The following PMM1 variants were observed in gnomAD, a reference collection of about 807,000 sequenced individuals.
PMM1 encodes the protein phosphomannomutase 1.
In PMM1, 25 loss-of-function variants were observed where a neutral mutation model predicts 34.0. That is an observed-to-expected ratio of 0.73 (90% CI 0.54 to 1.03). PMM1 has a LOEUF of 1.03. Ranked by LOEUF, PMM1 falls within the 50% of genes least tolerant of loss-of-function variation. PMM1 has a pLI of 0.00. For synonymous variants in PMM1, 134 were observed against 143.9 expected (o/e 0.93, Z 0.49); for missense variants, 321 against 350.1 (o/e 0.92, Z 0.66).
chr22:41,587,365 G>A (rs1012307071), intron 1 of PMM1, among the ~76,000 whole-genome samples: 2 of 151,696 alleles, frequency 1.3e-5, no homozygotes, highest in South Asian at 4.2e-4. Context: ...CCTTGAACCC[G>A]GGAGGTGGAG....
At chr22:41,580,574 C>T (rs1000098396) in intron 5 of PMM1, 3 of 152,190 alleles carry the variant, frequency 2.0e-5, no homozygotes, top group South Asian at 2.1e-4. Context: ...GGTTACAAGG[C>T]AAATGGGTAG....
At chr22:41,582,922 G>A (rs2067262547) in intron 5 of PMM1, among the ~76,000 whole-genome samples, 2 of 152,138 alleles carry the variant, frequency 1.3e-5, no homozygotes, top group African/African-American at 4.8e-5. Context: ...GAGGGAGGCG[G>A]TGGGGAGAAA....
At position 41,584,264 on chromosome 22, in the gene PMM1, G is replaced by C. The variant is rs1399690692; in HGVS notation, c.374+17C>G. 1.9e-6 allele frequency: 3 copies of C among 1,610,238 alleles called. No individual in the cohort carries two copies. Among genetic ancestry groups the C allele is most frequent in the Non-Finnish European group, 2.5e-6 (3 of 1,176,614 alleles). On this transcript the variant is annotated intron_variant, in intron 4 of 7. Coordinates refer to ENST00000216259, the MANE Select transcript of PMM1 (RefSeq NM_002676.3). ...CTCAGGCCCCAGGTTCTGGAGACCAGGCTGGTGGGACCTCACCGCTTCTTG... is the reference window on the plus strand; with the variant it reads ...CTCAGGCCCCAGGTTCTGGAGACCACGCTGGTGGGACCTCACCGCTTCTTG...
intron 5 of PMM1, among the ~76,000 whole-genome samples, chr22:41,582,164 A>C (rs891105358): frequency 6.6e-6 from 1 of 151,800 alleles, no homozygotes; most frequent in African/African-American, 2.4e-5. Flanking sequence ...AAAACAAAAA[A>C]GGGTATTTCT....
chr22:41,579,965 C>A, intron 5 of PMM1: 1 of 152,530 alleles, frequency 6.6e-6, no homozygotes, highest in Non-Finnish European at 1.5e-5. Context: ...ATGTGAGCCC[C>A]CTGCCAGCCT....
intron 6 of PMM1, among the ~76,000 whole-genome samples, chr22:41,578,331 G>A (rs966698628): frequency 3.3e-5 from 5 of 152,320 alleles, no homozygotes; most frequent in African/African-American, 9.6e-5. Context: ...AAGAGCCTGG[G>A]GAGGACTTTG....
intron 1 of PMM1, among the ~76,000 whole-genome samples, chr22:41,586,901 T>G (rs2067314100): frequency 7.0e-6 from 1 of 143,848 alleles, no homozygotes; most frequent in South Asian, 2.3e-4. Flanking sequence ...GTGGATCACT[T>G]GATGTCAGGA....
At position 41,586,103 on chromosome 22, in the gene PMM1, C is replaced by T. The variant is rs150228286; in HGVS notation, c.178G>A (p.Ala60Thr). The T allele has an allele frequency of 8.7e-6, 14 of 1,610,232 alleles. No homozygotes were observed. Among genetic ancestry groups the T allele is most frequent in the African/African-American group, 4.0e-5 (3 of 74,746 alleles). Reference protein sequence around the residue: ...VVGGSDYCKIAEQLGDGDEVI... With the variant: ...VVGGSDYCKITEQLGDGDEVI... ...TCATCCCCGTCACCCAGCTGCTCAG[C>T]GATCTTACAGTAGTCAGAGCCGCCC... The change falls in exon 2 of 8, where the codon GCT (alanine) becomes ACT (threonine). Residue 60 changes from alanine to threonine, a missense_variant. Transcript: ENST00000216259.
intron 1 of PMM1, chr22:41,589,236 G>T: frequency 1.5e-6 from 1 of 664,186 alleles, no homozygotes; most frequent in Non-Finnish European, 2.5e-6. Context: ...AAAGGTCGGG[G>T]TGGGAAGACT....
intron 1 of PMM1, 54 bp downstream of exon 1, chr22:41,589,665 C>G: frequency 6.8e-7 from 1 of 1,465,256 alleles, no homozygotes; most frequent in Admixed American, 1.8e-5. Flanking sequence ...CACTCAGCCT[C>G]GGGGGTGTCC....
At chr22:41,586,511 G>T in intron 1 of PMM1, 1 of 293,398 alleles carries the variant, frequency 3.4e-6, no homozygotes. Flanking sequence ...ATCCAGGCTG[G>T]AGTGCAGTGG....
Position 41,577,141 on chromosome 22 carries a change from A to T in PMM1, c.*177T>A. ...GCCCTGGGAGGACGAAGCCAGTGCC[A>T]CTAGGAGCAGACTGGCTGGGGACGG... On this transcript the variant is annotated 3_prime_UTR_variant, in exon 8 of 8. Coordinates refer to ENST00000216259, the MANE Select transcript of PMM1 (RefSeq NM_002676.3). 1 of 803,624 alleles carries T rather than the reference A, an allele frequency of 1.2e-6. No homozygotes were observed. Among genetic ancestry groups the T allele is most frequent in the Non-Finnish European group, 2.0e-6 (1 of 489,110 alleles). The allele number at this position is 803,624 out of a possible 1,614,324, so 49.8% of individuals were successfully genotyped here.
At chr22:41,588,430 A>G (rs1287848610) in intron 1 of PMM1, among the ~76,000 whole-genome samples, 3 of 152,248 alleles carry the variant, frequency 2.0e-5, no homozygotes, top group Non-Finnish European at 4.4e-5. Context: ...GATATTGGTC[A>G]GGCTGGTCTT....
At chr22:41,580,639 T>C (rs1175737225) in intron 5 of PMM1, 2 of 152,136 alleles carry the variant, frequency 1.3e-5, no homozygotes, top group Non-Finnish European at 2.9e-5. Flanking sequence ...AGCACGTGTA[T>C]TGGGGGGGAA....
intron 1 of PMM1, chr22:41,586,461 GAA>G: frequency 2.1e-6 from 1 of 475,466 alleles, no homozygotes. Context: ...TTGTCTCTAT[GAA>G]AAAAAAAATT....
intron 5 of PMM1, among the ~76,000 whole-genome samples, chr22:41,581,553 T>A (rs1056119252): frequency 5.3e-5 from 8 of 152,294 alleles, no homozygotes; most frequent in Non-Finnish European, 1.0e-4. Flanking sequence ...TACAGCTCAT[T>A]TCATTCATTC....
At chr22:41,579,007 C>T (rs956329390) in intron 5 of PMM1, 126 bp from the exon 6 acceptor site, 10 of 747,130 alleles carry the variant, frequency 1.3e-5, no homozygotes, top group Admixed American at 1.1e-4. Context: ...TGTGCAGATG[C>T]GCAAACTAAG....
In PMM1 at chr22:41,577,508, A is replaced by ACCTGCCCCTCCT. The variant is rs1471614957; in HGVS notation, c.667-80_667-69dup. 2.6e-6 allele frequency: 4 copies of ACCTGCCCCTCCT among 1,516,166 alleles called. No individual in the cohort carries two copies. In the South Asian group the frequency reaches 4.7e-5, roughly 18 times the overall value. The allele number at this position is 1,516,166 out of a possible 1,614,324, so 93.9% of individuals were successfully genotyped here. A position where few individuals can be genotyped will look rare whatever the true frequency, so the allele number is the denominator to read the frequency against. On this transcript the variant is annotated intron_variant, in intron 7 of 7. Transcript: ENST00000216259. ...TCCCTCTCCACATTGGCTGCTACGG[A>ACCTGCCCCTCCT]CCTGCCCCTCCTCCTGCCCCTTCAG...
intron 5 of PMM1, among the ~76,000 whole-genome samples, chr22:41,581,759 C>T (rs1020001045): frequency 1.2e-4 from 18 of 152,184 alleles, no homozygotes; most frequent in Admixed American, 7.9e-4. Flanking sequence ...CAGGCTGAGG[C>T]AGGCGGATCA....
Sources: gnomAD v4.1 joint callset for allele counts (sites outside exome capture counted in the v4.1 genomes callset) on GRCh38, gnomAD v4.1.1 for gene constraint, MANE v1.5 for transcripts, NCBI Gene and HGNC (gene_info 2026-07-23, HGNC 2026-07-21) for gene names.